Variants in THSD4 observed in about 807,000 individuals in gnomAD.
THSD4 encodes thrombospondin type 1 domain containing 4.
A neutral mutation model predicts 119.0 loss-of-function variants in THSD4; 69 were observed. The ratio of observed to expected loss-of-function variants is 0.58; its 90% CI spans 0.48 to 0.71. The LOEUF (loss-of-function observed/expected upper bound fraction) is 0.71. Among genes scored for constraint, THSD4 ranks in the 30% least tolerant of loss-of-function variants. The probability of loss-of-function intolerance (pLI) is 0.00; values close to 1 mark genes in which losing one functional copy is unlikely to be tolerated. For synonymous variants in THSD4, 524 were observed against 540.4 expected, an observed-to-expected ratio of 0.97 and a Z score of 0.42; for missense variants, 1,393 against 1,391.1, an observed-to-expected ratio of 1.00 and a Z score of -0.02.
At chr15:71,256,357 C>T (rs890174300) in intron 5 of THSD4, among the ~76,000 whole-genome samples, 4 of 151,826 alleles carry the variant, frequency 2.6e-5, no homozygotes, top group Non-Finnish European at 1.5e-5. Flanking sequence ...TGCCTGTAAT[C>T]CCAGCTACTT....
chr15:71,718,829 C>T (rs1167352382), intron 8 of THSD4, among the ~76,000 whole-genome samples: 1 of 152,144 alleles, frequency 6.6e-6, no homozygotes, highest in African/African-American at 2.4e-5. Context: ...CAAATGCCAC[C>T]CGCTCTCTGA....
At chr15:71,509,257 A>G (rs1215289780) in intron 7 of THSD4, among the ~76,000 whole-genome samples, 1 of 152,198 alleles carries the variant, frequency 6.6e-6, no homozygotes, top group African/African-American at 2.4e-5. Context: ...TCCCAAGCTC[A>G]GTATTCATCC....
At chr15:71,203,810 C>G (rs1400653974) in intron 3 of THSD4, among the ~76,000 whole-genome samples, 1 of 152,176 alleles carries the variant, frequency 6.6e-6, no homozygotes, top group Non-Finnish European at 1.5e-5. Context: ...GCTGTGTTCT[C>G]TGCTGGATGC....
At chr15:71,584,211 C>G (rs917600234) in intron 7 of THSD4, among the ~76,000 whole-genome samples, 3 of 148,020 alleles carry the variant, frequency 2.0e-5, no homozygotes, top group Non-Finnish European at 3.0e-5. Context: ...TAAGTATAGT[C>G]ACCTCTACTC....
At chr15:71,206,765 A>G (rs547469173) in intron 3 of THSD4, among the ~76,000 whole-genome samples, 18 of 152,092 alleles carry the variant, frequency 1.2e-4, no homozygotes, top group African/African-American at 4.3e-4. Flanking sequence ...ACTATCACCA[A>G]CTCTTAGTTC....
intron 6 of THSD4, among the ~76,000 whole-genome samples, chr15:71,403,401 A>G (rs1414510401): frequency 1.3e-5 from 2 of 152,216 alleles, no homozygotes; most frequent in Non-Finnish European, 2.9e-5. Flanking sequence ...TTCAGCCATC[A>G]AAGTTATTGT....
chr15:71,336,942 C>T (rs1428676776), intron 6 of THSD4, among the ~76,000 whole-genome samples: 1 of 152,098 alleles, frequency 6.6e-6, no homozygotes, highest in Admixed American at 6.5e-5. Flanking sequence ...CTTAGGGTGG[C>T]AAAGGGCAGT....
At chr15:71,402,201 T>A (rs2046545366) in intron 6 of THSD4, among the ~76,000 whole-genome samples, 1 of 151,350 alleles carries the variant, frequency 6.6e-6, no homozygotes, top group Non-Finnish European at 1.5e-5. Context: ...TGTATACATA[T>A]GTAACAAACC....
intron 6 of THSD4, among the ~76,000 whole-genome samples, chr15:71,410,129 C>T (rs2046665483): frequency 1.3e-5 from 2 of 151,958 alleles, no homozygotes; most frequent in African/African-American, 2.4e-5. Flanking sequence ...ATATATCTAG[C>T]AGGAGGAGGG....
chr15:71,300,724 G>A (rs903050206), intron 6 of THSD4, among the ~76,000 whole-genome samples: 15 of 152,164 alleles, frequency 9.9e-5, no homozygotes, highest in African/African-American at 3.6e-4. Context: ...TAAACTCTCA[G>A]TGAAATGTCT....
chr15:71,184,256 T>C (rs1441441532), intron 3 of THSD4: 1 of 151,828 alleles, frequency 6.6e-6, no homozygotes, highest in Admixed American at 6.6e-5. Context: ...AGACTTCTGA[T>C]TGTGGCTACC....
At chr15:71,457,789 G>A (rs767358740) in intron 7 of THSD4, among the ~76,000 whole-genome samples, 41 of 152,096 alleles carry the variant, frequency 2.7e-4, no homozygotes, top group African/African-American at 7.5e-4. Flanking sequence ...GATTTTTCCC[G>A]GATCCGTTAT....
chr15:71,262,426 A>C (rs191272521), intron 6 of THSD4, among the ~76,000 whole-genome samples: 54 of 152,280 alleles, frequency 3.5e-4, no homozygotes, highest in Middle Eastern at 3.4e-3. Flanking sequence ...TACACCGAGC[A>C]TGGGCAGTTT....
At chr15:71,362,061 G>C (rs1292674374) in intron 6 of THSD4, among the ~76,000 whole-genome samples, 2 of 152,254 alleles carry the variant, frequency 1.3e-5, no homozygotes, top group Non-Finnish European at 2.9e-5. Flanking sequence ...TAGATCACTT[G>C]AGGTCAGGAG....
At chr15:71,574,449 A>G (rs1301878300) in intron 7 of THSD4, among the ~76,000 whole-genome samples, 1 of 152,162 alleles carries the variant, frequency 6.6e-6, no homozygotes, top group Non-Finnish European at 1.5e-5. Flanking sequence ...GGAAACACTA[A>G]ACCAAGATCA....
chr15:71,139,983 C>T (rs2040587598), intron 1 of THSD4, among the ~76,000 whole-genome samples: 2 of 152,236 alleles, frequency 1.3e-5, no homozygotes, highest in South Asian at 4.1e-4. Flanking sequence ...TGTTGCTATT[C>T]ATAACTTGCC....
chr15:71,645,365 G>A (rs1182552972), intron 7 of THSD4, among the ~76,000 whole-genome samples: 1 of 152,130 alleles, frequency 6.6e-6, no homozygotes, highest in Non-Finnish European at 1.5e-5. Context: ...AAGAATGAGA[G>A]CCGTGCAAAG....
rs1208837223 is a variant in THSD4, at chr15:71,317,182, TGGAG to T, written c.1015+60468_1015+60471del. Among the ~76,000 whole-genome samples the T allele has an allele frequency of 3.3e-5, 5 of 152,298 alleles. No homozygotes were observed. In the South Asian group the frequency reaches 8.3e-4, roughly 25 times the overall value. The stretch of plus-strand genomic sequence containing the variant: ...CTTAACCTCTGAAACATATTTGTGA[TGGAG>T]AGCATTAGAAGTGAGGAGTAGCCAT... On this transcript the variant is annotated intron_variant, in intron 6 of 17. Coordinates refer to ENST00000261862, the MANE Select transcript of THSD4 (RefSeq NM_024817.3).
At chr15:71,588,502 C>T (rs2049732236) in intron 7 of THSD4, among the ~76,000 whole-genome samples, 2 of 152,056 alleles carry the variant, frequency 1.3e-5, no homozygotes, top group African/African-American at 4.8e-5. Context: ...CTGCTTACCA[C>T]AGCCTCGACC....
Sources: gnomAD v4.1 joint callset for allele counts (sites outside exome capture counted in the v4.1 genomes callset) on GRCh38, gnomAD v4.1.1 for gene constraint, MANE v1.5 for transcripts, NCBI Gene and HGNC (gene_info 2026-07-23, HGNC 2026-07-21) for gene names.